SLC39A11: variants seen among roughly 807,000 people sequenced by gnomAD.
SLC39A11 encodes the protein solute carrier family 39 member 11, also known as zinc transporter ZIP11.
SLC39A11 carries 33 observed loss-of-function variants against 36.1 expected under a neutral mutation model. The observed-to-expected ratio is 0.91, with a 90% CI of 0.69 to 1.22. SLC39A11 has a LOEUF of 1.22. SLC39A11 is among the 50% of genes most tolerant of loss of function. The pLI is 0.00. For synonymous variants in SLC39A11, 166 were observed against 170.3 expected, an observed-to-expected ratio of 0.97 and a Z score of 0.20; for missense variants, 432 against 430.3, an observed-to-expected ratio of 1.00 and a Z score of -0.03.
rs146054707 is a variant in SLC39A11 at position 72,822,358 on chromosome 17, G to T, written c.601+27276C>A. 1.2e-3 allele frequency among the ~76,000 whole-genome samples: 184 copies of T among 149,194 alleles called. 5 individuals carry two copies. The Middle Eastern group carries it at 0.014, about 11-fold the overall frequency. ...GAGAGAGAAAGAATATATATATAGA[G>T]AGAGAGAGGGAGAGAGATCTATCTA... On this transcript the variant is annotated intron_variant, in intron 6 of 9. Transcript: ENST00000255559.
chr17:72,864,358 A>G (rs1438886132), intron 5 of SLC39A11, among the ~76,000 whole-genome samples: 1 of 145,696 alleles, frequency 6.9e-6, no homozygotes, highest in East Asian at 2.0e-4. Context: ...GATCTTGTCT[A>G]GAGCCAGATC....
chr17:72,897,075 AC>A (rs2082074074), intron 5 of SLC39A11, among the ~76,000 whole-genome samples: 4 of 147,360 alleles, frequency 2.7e-5, no homozygotes, highest in East Asian at 2.0e-4. Context: ...AAAAAAACAA[AC>A]AGAAAAACAG....
At chr17:72,839,339 AAGG>A (rs1193100865) in intron 6 of SLC39A11, 1 of 152,182 alleles carries the variant, frequency 6.6e-6, no homozygotes, top group Non-Finnish European at 1.5e-5. Context: ...TTTCATGACA[AAGG>A]AGATTTTTCA....
chr17:73,092,088 CTCAAAGCG>C (rs1002586609), intron 1 of SLC39A11: 2 of 152,140 alleles, frequency 1.3e-5, no homozygotes, highest in African/African-American at 4.8e-5. Flanking sequence ...TGCCTCGCTA[CTCAAAGCG>C]TGGTCCGCGG....
intron 7 of SLC39A11, among the ~76,000 whole-genome samples, chr17:72,722,721 G>A (rs1225104844): frequency 2.0e-5 from 3 of 150,540 alleles, no homozygotes; most frequent in South Asian, 2.1e-4. Context: ...TGCAACCTCC[G>A]CCTCCCGGGT....
chr17:72,873,158 G>A (rs900704764), intron 5 of SLC39A11, among the ~76,000 whole-genome samples: 5 of 151,708 alleles, frequency 3.3e-5, no homozygotes, highest in East Asian at 1.9e-4. Flanking sequence ...TCTTAACATC[G>A]CTATTATAAA....
At chr17:73,061,263 G>T (rs1194694541) in intron 3 of SLC39A11, among the ~76,000 whole-genome samples, 1 of 152,112 alleles carries the variant, frequency 6.6e-6, no homozygotes, top group Non-Finnish European at 1.5e-5. Context: ...AGGAGACTGA[G>T]GCCAGAGAAC....
rs986484835 is a variant in SLC39A11, at chr17:72,837,897, G to A, written c.601+11737C>T. The A allele has an allele frequency of 7.6e-6, 9 of 1,189,140 alleles. No homozygotes were observed. In the African/African-American group the frequency reaches 1.4e-4, roughly 19 times the overall value. 73.7% of individuals were successfully genotyped at this position (1,189,140 alleles called of 1,614,324 possible). A position where few individuals can be genotyped will look rare whatever the true frequency, so the allele number is the denominator to read the frequency against. ...GGGGCTGGAGGGAGGGAGGAATGGG[G>A]AGTGACTGCTAATAAGCATGCAGTT... On this transcript the variant is annotated intron_variant, in intron 6 of 9. Transcript: ENST00000255559.
At position 73,002,402 on chromosome 17, in the gene SLC39A11, C is replaced by A. The variant is rs116596228; in HGVS notation, c.306+29154G>T. 1.3e-3 allele frequency among the ~76,000 whole-genome samples: 198 copies of A among 152,246 alleles called. 1 individual carries two copies. The highest frequency in any genetic ancestry group is 4.6e-3 in the African/African-American group (192 of 41,540). ...AGTCGGTGGGATGCCAGAGCCTGCG[C>A]TACTGGTAACTCTGGTGCCTCTTAA... On this transcript the variant is annotated intron_variant, in intron 4 of 9. Coordinates refer to ENST00000255559, the MANE Select transcript of SLC39A11 (RefSeq NM_139177.4).
At position 72,736,834 on chromosome 17, in the gene SLC39A11, C is replaced by A. The variant is rs538891177; in HGVS notation, c.602-115G>T. 16 of 883,604 alleles carry A rather than the reference C, an allele frequency of 1.8e-5. No homozygotes were observed. The African/African-American group carries it at 2.1e-4, about 12-fold the overall frequency. 54.7% of individuals were successfully genotyped at this position (883,604 alleles called of 1,614,324 possible). On this transcript the variant is annotated intron_variant, in intron 6 of 9. Transcript: ENST00000255559. ...CATGAGGCTGCCAGTCAAAGAAAAT[C>A]ATCGTAACAGCAGCTTAAACCCAGG...
chr17:73,039,711 G>A (rs17183634), intron 3 of SLC39A11, among the ~76,000 whole-genome samples: 1 of 152,246 alleles, frequency 6.6e-6, no homozygotes, highest in Non-Finnish European at 1.5e-5. Context: ...GTGGAAAAGG[G>A]CCAACGCAGA....
chr17:72,721,255 T>C (rs2567510), intron 7 of SLC39A11, among the ~76,000 whole-genome samples: 20,198 of 152,040 alleles, frequency 0.13, 1,553 homozygotes, highest in African/African-American at 0.23. Context: ...TGCCACCATG[T>C]CCGGCTAATT....
At chr17:73,038,374 AAAGTGATT>A (rs1156715763) in intron 3 of SLC39A11, among the ~76,000 whole-genome samples, 15 of 152,038 alleles carry the variant, frequency 9.9e-5, no homozygotes, top group Admixed American at 9.8e-4. Flanking sequence ...AATGCTGAAC[AAAGTGATT>A]CCCAGGCAAG....
intron 7 of SLC39A11, among the ~76,000 whole-genome samples, chr17:72,678,940 A>C (rs957963424): frequency 6.6e-6 from 1 of 152,226 alleles, no homozygotes; most frequent in Non-Finnish European, 1.5e-5. Context: ...CTATTCAGCC[A>C]TAAAAAGAAT....
intron 5 of SLC39A11, among the ~76,000 whole-genome samples, chr17:72,885,784 C>A (rs1172305902): frequency 6.6e-6 from 1 of 152,156 alleles, no homozygotes; most frequent in Non-Finnish European, 1.5e-5. Flanking sequence ...CTAGAGCCAC[C>A]CTCTAGCAAA....
chr17:72,961,438 C>T (rs1019723562), intron 4 of SLC39A11, among the ~76,000 whole-genome samples: 3 of 152,086 alleles, frequency 2.0e-5, no homozygotes, highest in Non-Finnish European at 2.9e-5. Context: ...CACATGCACA[C>T]GTATGTTTAT....
intron 3 of SLC39A11, among the ~76,000 whole-genome samples, chr17:73,060,497 T>C (rs562095001): frequency 3.3e-5 from 5 of 152,328 alleles, no homozygotes; most frequent in African/African-American, 1.2e-4. Flanking sequence ...CATAGTTACT[T>C]GTGATCCCAT....
At chr17:73,010,570 T>C (rs530306324) in intron 4 of SLC39A11, among the ~76,000 whole-genome samples, 10 of 152,254 alleles carry the variant, frequency 6.6e-5, no homozygotes, top group African/African-American at 2.4e-4. Flanking sequence ...GAGGTCTAGA[T>C]GTTAATATTT....
intron 4 of SLC39A11, among the ~76,000 whole-genome samples, chr17:72,990,881 C>T (rs528175048): frequency 2.0e-5 from 3 of 152,242 alleles, no homozygotes; most frequent in South Asian, 2.1e-4. Context: ...ATACAAAGTA[C>T]GGAAGAAATA....
Sources: allele counts gnomAD v4.1 joint callset (sites outside exome capture counted in the v4.1 genomes callset), GRCh38; gene constraint gnomAD v4.1.1; transcripts MANE v1.5; gene names NCBI Gene and HGNC (gene_info 2026-07-23, HGNC 2026-07-21).